NODAL: variants seen among roughly 807,000 people sequenced by gnomAD.
The protein encoded by NODAL is nodal homolog.
Under a neutral mutation model 34.0 loss-of-function variants are expected in NODAL, and 12 were observed. That is an observed-to-expected ratio of 0.35 (90% confidence interval 0.23 to 0.57). The LOEUF is 0.57. NODAL is among the 20% of genes least tolerant of loss of function. The probability of loss-of-function intolerance (pLI) is 0.83; values close to 1 mark genes in which losing one functional copy is unlikely to be tolerated. For synonymous variants in NODAL, 162 were observed against 186.4 expected (o/e 0.87, Z 1.07); for missense variants, 390 against 444.2 (o/e 0.88, Z 1.10).
At chr10:70,443,251 A>G (rs1230661494), upstream of NODAL, among the ~76,000 whole-genome samples, 5 of 152,210 alleles carry the variant, frequency 3.3e-5, no homozygotes, top group African/African-American at 1.2e-4. Flanking sequence ...TGGAGGCCTC[A>G]TCTAAGATTC....
upstream of NODAL, among the ~76,000 whole-genome samples, chr10:70,446,552 T>A (rs187143139): frequency 5.9e-4 from 90 of 152,278 alleles, no homozygotes; most frequent in African/African-American, 2.0e-3. Context: ...ATTCATTCAT[T>A]CATCGAACAA....
intron 1 of NODAL, among the ~76,000 whole-genome samples, chr10:70,438,238 G>A (rs1845382296): frequency 6.6e-6 from 1 of 152,198 alleles, no homozygotes; most frequent in African/African-American, 2.4e-5. Context: ...AGGTTGCAGT[G>A]AGCTGAGATT....
chr10:70,441,215 C>A lies in NODAL; in HGVS notation c.193+260G>T, dbSNP rs35738920. On this transcript the variant is annotated intron_variant, in intron 1 of 2. Transcript: ENST00000287139. ...AACCAAAACCCAGAGACAATGGTCC[C>A]CGTCGAGGACACACCCTGAACGCTA... Among the ~76,000 whole-genome samples the A allele has an allele frequency of 0.064, 9,824 of 152,350 alleles. 462 individuals carry two copies. Among genetic ancestry groups the A allele is most frequent in the Middle Eastern group, 0.1 (30 of 294 alleles).
upstream of NODAL, among the ~76,000 whole-genome samples, chr10:70,445,371 C>T (rs1845477687): frequency 6.6e-6 from 1 of 152,194 alleles, no homozygotes. Context: ...CATTCTCCTG[C>T]CTCAGTATCC....
In NODAL at chr10:70,435,508, C is replaced by G. The variant is rs771912062; in HGVS notation, c.669G>C (p.Gln223His). The G allele has an allele frequency of 6.2e-7, 1 of 1,614,120 alleles. No homozygotes were observed. Among genetic ancestry groups the G allele is most frequent in the Non-Finnish European group, 8.5e-7 (1 of 1,180,030 alleles). ...CCCACTCCCAGGACAGCTGTCCCTC[C>G]TGGGCCCGCCAGGAGCTCTCGGCTT... ...LWEAESSWRA[Q>H]EGQLSWEWGK... Residue 223 changes from glutamine to histidine, a missense_variant, in exon 2 of 3, where the codon CAG becomes CAC. Gln to His is a conservative substitution (Grantham distance 24). Transcript: ENST00000287139.
chr10:70,435,273 C>T lies in NODAL; in HGVS notation c.891+13G>A, dbSNP rs760173416. The T allele has an allele frequency of 6.3e-7, 1 of 1,598,272 alleles. No individual in the cohort carries two copies. The highest frequency in any genetic ancestry group is 2.3e-5 in the East Asian group (1 of 44,240). On this transcript the variant is annotated intron_variant, in intron 2 of 2. Coordinates refer to ENST00000287139, the MANE Select transcript of NODAL (RefSeq NM_018055.5). The stretch of plus-strand genomic sequence containing the variant: ...CTTACTGCCTCCCCTCCCCCTCACG[C>T]CTGGCATCCCACCTGGATGTATGCA...
chr10:70,447,868 A>G (rs1845505588), intron 1 of NODAL: 2 of 471,036 alleles, frequency 4.2e-6, no homozygotes, highest in Non-Finnish European at 4.4e-6. Flanking sequence ...TCTGCAACCT[A>G]CGTGAATGAA....
At chr10:70,436,462 A>C (rs1316862898) in intron 1 of NODAL, 3 of 217,224 alleles carry the variant, frequency 1.4e-5, no homozygotes, top group South Asian at 7.5e-5. Context: ...AATCCCAGCC[A>C]CTCGAGAATC....
chr10:70,441,700 C>T, upstream of NODAL: 1 of 1,546,818 alleles, frequency 6.5e-7, no homozygotes, highest in Non-Finnish European at 8.7e-7. Flanking sequence ...GCAGCACCTC[C>T]AGCCCTTATA....
At chr10:70,444,991 G>A (rs911774127), upstream of NODAL, among the ~76,000 whole-genome samples, 4 of 152,086 alleles carry the variant, frequency 2.6e-5, no homozygotes, top group Non-Finnish European at 4.4e-5. Flanking sequence ...TGCTGTGGGA[G>A]CCTCTGACCA....
chr10:70,437,606 G>C (rs939991033), intron 1 of NODAL, among the ~76,000 whole-genome samples: 2 of 152,206 alleles, frequency 1.3e-5, no homozygotes, highest in African/African-American at 4.8e-5. Context: ...TTATTCATTA[G>C]AAATAAGACA....
At chr10:70,441,371 G>C (rs1333062940) in intron 1 of NODAL, 104 bp downstream of exon 1, 2 of 1,340,326 alleles carry the variant, frequency 1.5e-6, no homozygotes, top group Non-Finnish European at 2.0e-6. Flanking sequence ...AACCCGGCTC[G>C]GAGCCGCAGC....
Position 70,441,678 on chromosome 10 carries a change from C to G in NODAL, c.-11G>C. 6.5e-7 allele frequency: 1 copy of G among 1,548,650 alleles called. No individual in the cohort carries two copies. Among genetic ancestry groups the G allele is most frequent in the Non-Finnish European group, 8.7e-7 (1 of 1,146,914 alleles). Reference sequence around the variant, plus strand: ...GCAGTGGGCGTGCATGGTGGGCTGGCCAGGCCTGAAAGCAGCACCTCCAGC... The same window carrying G: ...GCAGTGGGCGTGCATGGTGGGCTGGGCAGGCCTGAAAGCAGCACCTCCAGC... On this transcript the variant is annotated 5_prime_UTR_variant, in exon 1 of 3. Transcript: ENST00000287139.
Position 70,435,354 on chromosome 10 carries a change from G to A in NODAL, c.823C>T (p.Arg275Cys), listed in dbSNP as rs781366461. The A allele has an allele frequency of 1.1e-5, 17 of 1,614,158 alleles. No individual in the cohort carries two copies. In the Admixed American group the frequency reaches 2.2e-4, roughly 21 times the overall value. Residue 275 changes from arginine to cysteine, a missense_variant, in exon 2 of 3, where the codon CGC becomes TGC. Transcript: ENST00000287139. Reference protein sequence around the residue: ...IIYPKQYNAYRCEGECPNPVG... With the variant: ...IIYPKQYNAYCCEGECPNPVG... ...GGATTAGGACACTCGCCCTCACAGC[G>A]ATAGGCGTTGTACTGCTTGGGGTAG... is the stretch of plus-strand genomic sequence containing the variant.
chr10:70,442,693 T>C (rs113308454), upstream of NODAL, among the ~76,000 whole-genome samples: 61 of 152,230 alleles, frequency 4.0e-4, no homozygotes, highest in Non-Finnish European at 7.3e-5. Context: ...ACTTAGCTGC[T>C]GGCCAACACT....
intron 2 of NODAL, among the ~76,000 whole-genome samples, chr10:70,434,430 T>C (rs1244268413): frequency 6.6e-6 from 1 of 152,200 alleles, no homozygotes; most frequent in Non-Finnish European, 1.5e-5. Flanking sequence ...TGGCATGATC[T>C]CGGCTCACTG....
chr10:70,437,299 G>A (rs550202121), intron 1 of NODAL, among the ~76,000 whole-genome samples: 1 of 152,300 alleles, frequency 6.6e-6, no homozygotes, highest in African/African-American at 2.4e-5. Context: ...AAAATTAGCC[G>A]GGTGTGGTGG....
rs1361351280 is a variant in NODAL at position 70,432,831 on chromosome 10, TG to T, written c.*104del. On this transcript the variant is annotated 3_prime_UTR_variant, in exon 3 of 3. Transcript: ENST00000287139. ...TCAGTTCTGGTGGGCAGAGCAACTT[TG>T]CCCCTCTCTGTTTCTCCTTACTGGA... 5.9e-6 allele frequency: 8 copies of T among 1,365,758 alleles called. No individual in the cohort carries two copies. The African/African-American group carries it at 1.1e-4, about 19-fold the overall frequency. 84.6% of individuals were successfully genotyped at this position (1,365,758 alleles called of 1,614,324 possible).
intron 1 of NODAL, 70 bp downstream of exon 1, chr10:70,441,405 G>A: frequency 6.6e-7 from 1 of 1,507,786 alleles, no homozygotes; most frequent in South Asian, 1.2e-5. Context: ...CACTTCCCGA[G>A]TCCGCTGGCT....
Sources: allele counts gnomAD v4.1 joint callset (sites outside exome capture counted in the v4.1 genomes callset), GRCh38; gene constraint gnomAD v4.1.1; transcripts MANE v1.5; gene names NCBI Gene and HGNC (gene_info 2026-07-23, HGNC 2026-07-21).